VRK2: variants seen among roughly 807,000 people sequenced by gnomAD.
VRK2 encodes the protein VRK serine/threonine kinase 2.
Under a neutral mutation model 57.6 loss-of-function variants are expected in VRK2, and 60 were observed. The ratio of observed to expected loss-of-function variants is 1.04; its 90% confidence interval spans 0.85 to 1.29. The LOEUF is 1.29. Among genes scored for constraint, VRK2 ranks in the 50% most tolerant of loss-of-function variants. The pLI, the probability that VRK2 is intolerant of heterozygous loss-of-function variation, is 0.00. For synonymous variants in VRK2, 231 were observed against 199.2 expected (o/e 1.16, Z -1.35); for missense variants, 705 against 588.1 (o/e 1.20, Z -2.06).
intron 5 of VRK2, 68 bp downstream of exon 5, chr2:58,086,494 A>G: frequency 4.5e-6 from 6 of 1,339,470 alleles, no homozygotes; most frequent in East Asian, 2.5e-5. Context: ...TGAGTTAACT[A>G]TTGCCATGTA....
chr2:58,044,953 G>A (rs1674627917), upstream of VRK2, among the ~76,000 whole-genome samples: 1 of 152,172 alleles, frequency 6.6e-6, no homozygotes, highest in Admixed American at 6.5e-5. Context: ...ATCCTACAAT[G>A]CACAGGACAG....
intron 1 of VRK2, among the ~76,000 whole-genome samples, chr2:57,921,465 A>G (rs1670347211): frequency 6.6e-6 from 1 of 152,068 alleles, no homozygotes; most frequent in African/African-American, 2.4e-5. Context: ...TTGTCTGACA[A>G]GGTGAATTAT....
intron 10 of VRK2, among the ~76,000 whole-genome samples, chr2:58,136,788 A>ATATATCATATATAT (rs1680093669): frequency 6.8e-6 from 1 of 146,236 alleles, no homozygotes; most frequent in Admixed American, 7.0e-5. Flanking sequence ...ATATGTGTAT[A>ATATATCATATATAT]TATATCATAT....
intron 2 of VRK2, among the ~76,000 whole-genome samples, chr2:58,050,156 G>A (rs901429689): frequency 6.6e-5 from 10 of 151,854 alleles, no homozygotes; most frequent in Admixed American, 2.0e-4. Context: ...ATTAAAATAC[G>A]TTAAAAGAAA....
rs72947147 is a variant in VRK2 at position 57,936,632 on chromosome 2, T to A, written c.-439+28793T>A. Among the ~76,000 whole-genome samples the A allele has an allele frequency of 4.3e-3, 650 of 151,944 alleles. 8 individuals carry two copies. Among genetic ancestry groups the A allele is most frequent in the African/African-American group, 0.015 (624 of 41,470 alleles). ...CACTGCAACCTCCGCCTGTTTTATT[T>A]ATTAATTTCTATGATAAATAAATAT... is the stretch of plus-strand genomic sequence containing the variant. On this transcript the variant is annotated intron_variant, in intron 1 of 15. Coordinates refer to the VRK2 transcript ENST00000417641.
chr2:57,916,981 G>A (rs760015419), intron 1 of VRK2, among the ~76,000 whole-genome samples: 2 of 151,940 alleles, frequency 1.3e-5, no homozygotes, highest in Non-Finnish European at 2.9e-5. Context: ...AATAAGTGAC[G>A]AGTACATGAA....
intron 9 of VRK2, among the ~76,000 whole-genome samples, chr2:58,134,617 C>CAAAAAAACAAAACAAAA (rs774844284): frequency 9.6e-5 from 7 of 73,090 alleles, no homozygotes; most frequent in African/African-American, 3.1e-4. Context: ...GACTCCGTCT[C>CAAAAAAACAAAACAAAA]AAAAAAAAAA....
chr2:58,026,217 T>C (rs559594194), intron 2 of VRK2, among the ~76,000 whole-genome samples: 30 of 152,164 alleles, frequency 2.0e-4, no homozygotes, highest in African/African-American at 6.7e-4. Flanking sequence ...AATCTTTGAA[T>C]TGCTGAGCTT....
At chr2:58,045,176 G>T (rs945954873), upstream of VRK2, among the ~76,000 whole-genome samples, 1 of 152,196 alleles carries the variant, frequency 6.6e-6, no homozygotes, top group African/African-American at 2.4e-5. Flanking sequence ...AGACTAAAGG[G>T]ATAAGAGGGT....
chr2:58,135,926 T>G (rs1679943335), intron 10 of VRK2, among the ~76,000 whole-genome samples: 1 of 152,158 alleles, frequency 6.6e-6, no homozygotes, highest in South Asian at 2.1e-4. Context: ...CAGTCTTGCT[T>G]TTTTTCAGAG....
At chr2:57,991,791 CAAAAAA>C (rs1205548555) in intron 1 of VRK2, among the ~76,000 whole-genome samples, 1 of 113,990 alleles carries the variant, frequency 8.8e-6, no homozygotes, top group Non-Finnish European at 2.0e-5. Context: ...ACTAAAAATA[CAAAAAA>C]AAAAAAAAAA....
intron 1 of VRK2, among the ~76,000 whole-genome samples, chr2:57,934,856 T>A (rs778219289): frequency 6.6e-6 from 1 of 152,204 alleles, no homozygotes; most frequent in Non-Finnish European, 1.5e-5. Flanking sequence ...CTACTGTTGA[T>A]ACTCTCTATT....
intron 1 of VRK2, among the ~76,000 whole-genome samples, chr2:58,014,842 T>A (rs1383804860): frequency 6.6e-6 from 1 of 152,092 alleles, no homozygotes; most frequent in Non-Finnish European, 1.5e-5. Context: ...TGTGTAGGTG[T>A]AGATCTGCAG....
At chr2:57,963,502 A>G (rs2104003192) in intron 1 of VRK2, among the ~76,000 whole-genome samples, 1 of 152,344 alleles carries the variant, frequency 6.6e-6, no homozygotes, top group Admixed American at 6.5e-5. Flanking sequence ...TCTTATGTGA[A>G]CTTATACACA....
intron 1 of VRK2, among the ~76,000 whole-genome samples, chr2:58,004,499 T>C (rs986095200): frequency 6.6e-6 from 1 of 152,180 alleles, no homozygotes; most frequent in Non-Finnish European, 1.5e-5. Context: ...CTAGGCATTA[T>C]TCTGAAATAA....
chr2:57,908,718 G>C (rs1396728475), intron 1 of VRK2, among the ~76,000 whole-genome samples: 1 of 152,142 alleles, frequency 6.6e-6, no homozygotes, highest in Non-Finnish European at 1.5e-5. Flanking sequence ...TTGAAGAATA[G>C]TTTTTCAAAG....
chr2:58,085,778 C>T (rs1313973595), intron 4 of VRK2, among the ~76,000 whole-genome samples: 1 of 151,604 alleles, frequency 6.6e-6, no homozygotes, highest in Non-Finnish European at 1.5e-5. Context: ...CTGTCTTAAA[C>T]ATAAAAAACA....
Position 58,116,007 on chromosome 2 carries a change from A to T in VRK2, c.544-7094A>T, listed in dbSNP as rs1390804005. On this transcript the variant is annotated intron_variant, in intron 7 of 12. Coordinates refer to ENST00000340157, the MANE Select transcript of VRK2 (RefSeq NM_006296.7). ...GATAGGCAAAACAATTTGGTTGATA[A>T]GGCGCAGATTCTGAACTAACTTTTA... is the stretch of plus-strand genomic sequence containing the variant. 2.0e-5 allele frequency among the ~76,000 whole-genome samples: 3 copies of T among 152,226 alleles called. No homozygotes were observed. In the East Asian group the frequency reaches 5.8e-4, roughly 29 times the overall value.
chr2:57,961,492 G>A (rs1671757127), intron 1 of VRK2, among the ~76,000 whole-genome samples: 1 of 152,162 alleles, frequency 6.6e-6, no homozygotes, highest in East Asian at 1.9e-4. Flanking sequence ...ACACAGCTAG[G>A]AAATGTAGAT....
Sources: allele counts gnomAD v4.1 joint callset (sites outside exome capture counted in the v4.1 genomes callset), GRCh38; gene constraint gnomAD v4.1.1; transcripts MANE v1.5; gene names NCBI Gene and HGNC (gene_info 2026-07-23, HGNC 2026-07-21).